Variants in CBLB observed in about 807,000 individuals in gnomAD.
CBLB encodes the protein Cbl proto-oncogene B.
CBLB carries 31 observed loss-of-function variants against 104.9 expected under a neutral mutation model. The observed-to-expected ratio is 0.30, with a 90% confidence interval of 0.22 to 0.40. The LOEUF (loss-of-function observed/expected upper bound fraction) is 0.40. Among genes scored for constraint, CBLB ranks in the 10% least tolerant of loss-of-function variants. The probability of loss-of-function intolerance (pLI) is 1.00; values close to 1 mark genes in which losing one functional copy is unlikely to be tolerated. For synonymous variants in CBLB, 440 were observed against 422.6 expected, an observed-to-expected ratio of 1.04 and a Z score of -0.51; for missense variants, 1,062 against 1,214.6, an observed-to-expected ratio of 0.87 and a Z score of 1.87.
At chr3:105,848,613 A>G (rs913486737) in intron 3 of CBLB, among the ~76,000 whole-genome samples, 1 of 152,096 alleles carries the variant, frequency 6.6e-6, no homozygotes, top group African/African-American at 2.4e-5. Context: ...TGTTGACACA[A>G]CAGAGGTGCA....
chr3:105,765,641 C>T (rs891924916), intron 4 of CBLB, among the ~76,000 whole-genome samples: 10 of 152,128 alleles, frequency 6.6e-5, no homozygotes, highest in Admixed American at 4.6e-4. Flanking sequence ...TTAAGAATTA[C>T]GCTAAATCTA....
At chr3:105,816,075 G>A (rs1231942668) in intron 3 of CBLB, among the ~76,000 whole-genome samples, 2 of 152,082 alleles carry the variant, frequency 1.3e-5, no homozygotes, top group Admixed American at 1.3e-4. Context: ...CAAGGGGAGG[G>A]ATAGCATTAG....
chr3:105,688,233 T>C (rs2067240956), intron 13 of CBLB, among the ~76,000 whole-genome samples: 1 of 151,994 alleles, frequency 6.6e-6, no homozygotes. Flanking sequence ...GCAATCCCTT[T>C]ATATTCTCAT....
intron 10 of CBLB, among the ~76,000 whole-genome samples, chr3:105,710,778 T>C (rs1355836178): frequency 6.6e-6 from 1 of 151,932 alleles, no homozygotes; most frequent in Admixed American, 6.6e-5. Flanking sequence ...TACGTCTACA[T>C]ACTCATCCTT....
intron 3 of CBLB, among the ~76,000 whole-genome samples, chr3:105,819,509 A>T (rs2085526115): frequency 6.6e-6 from 1 of 152,014 alleles, no homozygotes; most frequent in Admixed American, 6.5e-5. Context: ...AAAGAAAGAA[A>T]GAAAAACCAT....
At chr3:105,785,152 C>T (rs1039534601) in intron 3 of CBLB, among the ~76,000 whole-genome samples, 3 of 152,198 alleles carry the variant, frequency 2.0e-5, no homozygotes, top group South Asian at 2.1e-4. Flanking sequence ...AAAAGTCTTA[C>T]ACCTGTAACA....
At chr3:105,696,896 C>T (rs375962444) in intron 12 of CBLB, among the ~76,000 whole-genome samples, 1 of 151,986 alleles carries the variant, frequency 6.6e-6, no homozygotes, top group African/African-American at 2.4e-5. Flanking sequence ...TATTCTCCCA[C>T]CTCCATGCTA....
chr3:105,666,725 A>T (rs2064512182), intron 18 of CBLB, among the ~76,000 whole-genome samples: 1 of 152,172 alleles, frequency 6.6e-6, no homozygotes, highest in African/African-American at 2.4e-5. Context: ...ACATGATTTA[A>T]TAAACTAAAT....
chr3:105,714,892 G>T (rs1388433434), intron 10 of CBLB, among the ~76,000 whole-genome samples: 1 of 152,090 alleles, frequency 6.6e-6, no homozygotes, highest in African/African-American at 2.4e-5. Flanking sequence ...CTTGACTTTT[G>T]TTCATACCCA....
Position 105,734,068 on chromosome 3 carries a change from C to T in CBLB, c.1144G>A (p.Asp382Asn). 6.2e-7 allele frequency: 1 copy of T among 1,613,802 alleles called. No homozygotes were observed. The highest frequency in any genetic ancestry group is 8.5e-7 in the Non-Finnish European group (1 of 1,179,700). Residue 382 changes from aspartate to asparagine, a missense_variant, in exon 9 of 19, where the codon GAT (aspartate) becomes AAT (asparagine). Asp to Asn is a conservative substitution (Grantham distance 23, BLOSUM62 1). Transcript: ENST00000394030. ...TGCCCACAAGGCTCAATCTTGACATCTTTGTCATTCTCTGCACAAATCTTA... is the reference window on the plus strand; with the variant it reads ...TGCCCACAAGGCTCAATCTTGACATTTTTGTCATTCTCTGCACAAATCTTA... ...LCKICAENDK[D>N]VKIEPCGHLM...
chr3:105,813,896 T>C (rs568812041), intron 3 of CBLB, among the ~76,000 whole-genome samples: 2 of 152,268 alleles, frequency 1.3e-5, no homozygotes, highest in African/African-American at 2.4e-5. Context: ...TCTTCAACAC[T>C]GGCAGCATTT....
intron 3 of CBLB, among the ~76,000 whole-genome samples, chr3:105,828,433 G>A (rs2086926437): frequency 6.6e-6 from 1 of 152,140 alleles, no homozygotes; most frequent in South Asian, 2.1e-4. Flanking sequence ...AATATTAAAT[G>A]CTGTTTCACT....
intron 18 of CBLB, among the ~76,000 whole-genome samples, 155 bp from the exon 19 acceptor site, chr3:105,659,384 T>C (rs2063565305): frequency 6.6e-6 from 1 of 152,216 alleles, no homozygotes; most frequent in East Asian, 1.9e-4. Context: ...TATTGTGAGA[T>C]AGGTAGTATT....
chr3:105,742,440 G>T (rs1237734462), intron 6 of CBLB, among the ~76,000 whole-genome samples: 2 of 151,986 alleles, frequency 1.3e-5, no homozygotes, highest in African/African-American at 4.8e-5. Context: ...CTTTATATTG[G>T]TGATAGAATC....
chr3:105,869,059 GGGCGGGGGC>G, upstream of CBLB: 1 of 1,072,192 alleles, frequency 9.3e-7, no homozygotes, highest in South Asian at 1.8e-5. Flanking sequence ...GGGCGGGGCG[GGGCGGGGGC>G]GGGGCCGGGC....
At chr3:105,693,464 C>T in intron 13 of CBLB, 30 bp downstream of exon 13, 1 of 1,430,028 alleles carries the variant, frequency 7.0e-7, no homozygotes, top group Non-Finnish European at 9.9e-7. Context: ...GATGCATAGA[C>T]AAGTGATCTC....
At chr3:105,692,917 C>A (rs893111861) in intron 13 of CBLB, among the ~76,000 whole-genome samples, 2 of 148,964 alleles carry the variant, frequency 1.3e-5, no homozygotes, top group African/African-American at 5.0e-5. Context: ...AATGAGATAC[C>A]CAGTTATCTC....
chr3:105,863,919 T>C (rs934673992), intron 2 of CBLB, among the ~76,000 whole-genome samples: 5 of 152,214 alleles, frequency 3.3e-5, no homozygotes, highest in Non-Finnish European at 4.4e-5. Flanking sequence ...TAGTATCTAT[T>C]AGATGGAAAA....
At chr3:105,693,469 G>C (rs751757106) in intron 13 of CBLB, 25 bp downstream of exon 13, 3 of 1,481,604 alleles carry the variant, frequency 2.0e-6, no homozygotes, top group Admixed American at 3.4e-5. Flanking sequence ...ATAGACAAGT[G>C]ATCTCCAAAT....
Sources: gnomAD v4.1 joint callset for allele counts (sites outside exome capture counted in the v4.1 genomes callset) on GRCh38, gnomAD v4.1.1 for gene constraint, MANE v1.5 for transcripts, NCBI Gene and HGNC (gene_info 2026-07-23, HGNC 2026-07-21) for gene names.